The following FRAS1 variants were observed in gnomAD, a reference collection of about 807,000 sequenced individuals.
FRAS1 encodes Fraser extracellular matrix complex subunit 1, also known as extracellular matrix organizing protein FRAS1.
In FRAS1, 290 loss-of-function variants were observed where a neutral mutation model predicts 435.2. The ratio of observed to expected loss-of-function variants is 0.67; its 90% confidence interval spans 0.61 to 0.73. FRAS1 has a LOEUF of 0.73. Ranked by LOEUF, FRAS1 falls within the 30% of genes least tolerant of loss-of-function variation. The probability of loss-of-function intolerance (pLI) is 0.00; values close to 1 mark genes in which losing one functional copy is unlikely to be tolerated. For synonymous variants in FRAS1, 1,800 were observed against 1,851.0 expected, an observed-to-expected ratio of 0.97 and a Z score of 0.71; for missense variants, 4,860 against 5,001.5, an observed-to-expected ratio of 0.97 and a Z score of 0.85.
intron 21 of FRAS1, 74 bp from the exon 22 acceptor site, chr4:78,363,833 TA>T: frequency 6.6e-7 from 1 of 1,521,814 alleles, no homozygotes; most frequent in Non-Finnish European, 8.9e-7. Flanking sequence ...GGGACTTTAT[TA>T]CCCACACTTG....
intron 2 of FRAS1, among the ~76,000 whole-genome samples, chr4:78,069,167 G>A (rs933166302): frequency 7.2e-5 from 11 of 152,186 alleles, no homozygotes; most frequent in African/African-American, 2.7e-4. Context: ...AGAGGTAGAA[G>A]TGACTTGAGA....
At chr4:78,220,904 A>G (rs1357223996) in intron 2 of FRAS1, among the ~76,000 whole-genome samples, 1 of 152,184 alleles carries the variant, frequency 6.6e-6, no homozygotes, top group Non-Finnish European at 1.5e-5. Flanking sequence ...CAGGCTGGGC[A>G]TGGTGGCTCA....
intron 9 of FRAS1, among the ~76,000 whole-genome samples, chr4:78,273,767 A>T (rs1726843938): frequency 6.6e-6 from 1 of 152,148 alleles, no homozygotes; most frequent in African/African-American, 2.4e-5. Flanking sequence ...ATATTGGTCT[A>T]AAATTCTCTT....
intron 2 of FRAS1, chr4:78,181,839 G>C (rs1472075042): frequency 6.2e-7 from 1 of 1,612,070 alleles, no homozygotes; most frequent in Admixed American, 1.7e-5. Context: ...TCCTTGCGCA[G>C]CTGTTTGCCT....
chr4:78,342,025 G>T (rs769812744), intron 20 of FRAS1, among the ~76,000 whole-genome samples: 1 of 152,198 alleles, frequency 6.6e-6, no homozygotes, highest in Non-Finnish European at 1.5e-5. Flanking sequence ...TCTAAACTCA[G>T]GAAGGTGTTA....
chr4:78,339,522 G>T (rs766548038), intron 20 of FRAS1, among the ~76,000 whole-genome samples: 6 of 151,652 alleles, frequency 4.0e-5, no homozygotes, highest in Non-Finnish European at 8.8e-5. Context: ...GGCATTATGC[G>T]GGGGGGTGGA....
intron 19 of FRAS1, among the ~76,000 whole-genome samples, chr4:78,333,844 G>A (rs1294140991): frequency 6.6e-6 from 1 of 152,180 alleles, no homozygotes; most frequent in Non-Finnish European, 1.5e-5. Flanking sequence ...CTGTTGCCAA[G>A]CTGGAGTGCA....
At chr4:78,095,438 C>G (rs934343037) in intron 2 of FRAS1, among the ~76,000 whole-genome samples, 1 of 152,150 alleles carries the variant, frequency 6.6e-6, no homozygotes, top group Non-Finnish European at 1.5e-5. Context: ...GTTCTGGTCA[C>G]GGGAGCAGAG....
rs959327675 is a variant in FRAS1 at position 78,543,493 on chromosome 4, C to T, written c.*2369C>T. ...TGAGCCCCAGAGTGCTCCCAGCAAC[C>T]GCCACGTACAAGGTCTGAAATGACA... On this transcript the variant is annotated 3_prime_UTR_variant, in exon 74 of 74. Coordinates refer to ENST00000512123, the MANE Select transcript of FRAS1 (RefSeq NM_025074.7). 8.5e-5 allele frequency: 13 copies of T among 152,222 alleles called. No individual in the cohort carries two copies. Among genetic ancestry groups the T allele is most frequent in the Non-Finnish European group, 1.8e-4 (12 of 68,070 alleles). The allele number at this position is 152,222 out of a possible 1,614,324, so 9.4% of individuals were successfully genotyped here.
rs755367552 is a variant in FRAS1, at chr4:78,479,659, C to T, written c.8384C>T (p.Pro2795Leu). The change falls in exon 56 of 74, where the codon CCC becomes CTC. Residue 2795 changes from proline (P) to leucine (L), a missense_variant. By Grantham distance (98) the Pro-to-Leu change is moderately conservative (BLOSUM62 -3). Transcript: ENST00000512123. ...ACAGCCAAGGTGCTCATTAGTGGTC[C>T]CAACGATGCCTCGACTGTGTCCCTG... ...VATAKVLISG[P>L]NDASTVSLGN... The T allele has an allele frequency of 1.9e-6, 3 of 1,612,452 alleles. No homozygotes were observed. The highest frequency in any genetic ancestry group is 3.3e-5 in the Admixed American group (2 of 59,976).
chr4:78,228,099 GAA>G (rs1315137734), intron 2 of FRAS1, among the ~76,000 whole-genome samples: 1 of 152,054 alleles, frequency 6.6e-6, no homozygotes, highest in Non-Finnish European at 1.5e-5. Flanking sequence ...AAGTTGACAA[GAA>G]AATAAATAAT....
At chr4:78,309,615 C>T (rs1312649241) in intron 15 of FRAS1, among the ~76,000 whole-genome samples, 1 of 152,214 alleles carries the variant, frequency 6.6e-6, no homozygotes, top group Non-Finnish European at 1.5e-5. Context: ...CTGTGAACCA[C>T]TCTACTGCTC....
intron 2 of FRAS1, among the ~76,000 whole-genome samples, chr4:78,235,142 G>C (rs1385487428): frequency 1.3e-5 from 2 of 152,156 alleles, no homozygotes; most frequent in Admixed American, 1.3e-4. Context: ...CTGATTGGAT[G>C]AGTCCACCCA....
At chr4:78,364,098 G>T in intron 22 of FRAS1, 44 bp downstream of exon 22, 1 of 1,541,668 alleles carries the variant, frequency 6.5e-7, no homozygotes, top group Non-Finnish European at 8.8e-7. Context: ...TTCTTTTCCT[G>T]CCTTTCTGGA....
At chr4:78,094,718 T>C (rs1306476462) in intron 2 of FRAS1, among the ~76,000 whole-genome samples, 1 of 152,172 alleles carries the variant, frequency 6.6e-6, no homozygotes, top group Non-Finnish European at 1.5e-5. Flanking sequence ...ATAGAACCTG[T>C]TTATATACTG....
At chr4:78,221,897 G>T (rs981282984) in intron 2 of FRAS1, among the ~76,000 whole-genome samples, 3 of 152,206 alleles carry the variant, frequency 2.0e-5, no homozygotes, top group Non-Finnish European at 2.9e-5. Context: ...TGAAGCCTAG[G>T]AAACAAATTA....
chr4:78,481,531 A>G (rs185803628), intron 56 of FRAS1, among the ~76,000 whole-genome samples: 6 of 152,302 alleles, frequency 3.9e-5, no homozygotes, highest in Non-Finnish European at 8.8e-5. Flanking sequence ...TGAAGCCACA[A>G]CAGCCTTCTC....
At chr4:78,418,571 G>C (rs1470856951) in intron 32 of FRAS1, among the ~76,000 whole-genome samples, 2 of 152,150 alleles carry the variant, frequency 1.3e-5, no homozygotes, top group Non-Finnish European at 2.9e-5. Context: ...TTAGAGGAGA[G>C]ACACAATGAG....
At chr4:78,436,923 C>G (rs900276259) in intron 38 of FRAS1, among the ~76,000 whole-genome samples, 3 of 151,750 alleles carry the variant, frequency 2.0e-5, no homozygotes, top group African/African-American at 7.3e-5. Context: ...ATGATGGGTT[C>G]ATTGATGTAA....
Sources: allele counts gnomAD v4.1 joint callset (sites outside exome capture counted in the v4.1 genomes callset), GRCh38; gene constraint gnomAD v4.1.1; transcripts MANE v1.5; gene names NCBI Gene and HGNC (gene_info 2026-07-23, HGNC 2026-07-21).